The following B3GALT5 variants were observed in gnomAD, a reference collection of about 807,000 sequenced individuals.
B3GALT5 encodes the protein beta-1,3-galactosyltransferase 5, also known as UDP-Gal:betaGlcNAc beta 1,3-galactosyltransferase, polypeptide 5.
For synonymous variants in B3GALT5, 156 were observed against 158.6 expected (o/e 0.98, Z 0.12); for missense variants, 328 against 396.6 (o/e 0.83, Z 1.47).
intron 1 of B3GALT5, among the ~76,000 whole-genome samples, chr21:39,642,124 C>G (rs1222788148): frequency 6.6e-6 from 1 of 152,220 alleles, no homozygotes; most frequent in Non-Finnish European, 1.5e-5. Context: ...AAGCTTCAAG[C>G]TTAAATAATT....
intron 1 of B3GALT5, among the ~76,000 whole-genome samples, chr21:39,626,847 ATGAACT>A (rs1187700503): frequency 6.6e-6 from 1 of 151,982 alleles, no homozygotes; most frequent in Non-Finnish European, 1.5e-5. Flanking sequence ...TCTCACTGTG[ATGAACT>A]TGACTTCTGG....
chr21:39,647,094 C>T (rs966653390), intron 2 of B3GALT5, among the ~76,000 whole-genome samples: 2 of 152,158 alleles, frequency 1.3e-5, no homozygotes, highest in Non-Finnish European at 1.5e-5. Context: ...GAGTGAGACC[C>T]TGTCTCAAAA....
intron 1 of B3GALT5, among the ~76,000 whole-genome samples, chr21:39,613,781 T>G (rs1655992608): frequency 6.6e-6 from 1 of 152,260 alleles, no homozygotes; most frequent in Non-Finnish European, 1.5e-5. Context: ...TTGTTTAGGT[T>G]TCTGACTCTT....
At chr21:39,655,923 TACA>T (rs1602298375) in intron 2 of B3GALT5, among the ~76,000 whole-genome samples, 3 of 152,308 alleles carry the variant, frequency 2.0e-5, no homozygotes, top group African/African-American at 4.8e-5. Flanking sequence ...TTTCAGTCTG[TACA>T]ACGAATCCAC....
Position 39,622,804 on chromosome 21 carries a change from C to T in B3GALT5, c.-392+9737C>T, listed in dbSNP as rs1253683383. 2.6e-5 allele frequency among the ~76,000 whole-genome samples: 4 copies of T among 151,372 alleles called. No homozygotes were observed. In the South Asian group the frequency reaches 6.3e-4, roughly 24 times the overall value. On this transcript the variant is annotated intron_variant, in intron 1 of 3. Transcript: ENST00000684187. ...TTTAGTTCTCTTTTCTTCATTTTTT[C>T]GTCTCCTGTTGGATTGATACAGTTT...
At chr21:39,646,141 G>T (rs551084) in intron 1 of B3GALT5, among the ~76,000 whole-genome samples, 20,667 of 151,996 alleles carry the variant, frequency 0.14, 1,763 homozygotes, top group African/African-American at 0.24. Context: ...GTGGAAAGGT[G>T]GCAGGCTGCC....
chr21:39,656,156 C>T (rs990514805), intron 2 of B3GALT5, among the ~76,000 whole-genome samples: 5 of 152,164 alleles, frequency 3.3e-5, no homozygotes, highest in African/African-American at 4.8e-5. Context: ...ACAAGCCTCC[C>T]GGGTGATTCT....
Position 39,671,525 on chromosome 21 carries a change from T to C in B3GALT5, c.*10033T>C, listed in dbSNP as rs2079628324. 1 of 152,150 alleles carries C rather than the reference T, an allele frequency of 6.6e-6. No individual in the cohort carries two copies. The highest frequency in any genetic ancestry group is 2.4e-5 in the African/African-American group (1 of 41,420). The allele number at this position is 152,150 out of a possible 1,614,324, so 9.4% of individuals were successfully genotyped here. A position where few individuals can be genotyped will look rare whatever the true frequency, so the allele number is the denominator to read the frequency against. On this transcript the variant is annotated 3_prime_UTR_variant, in exon 4 of 4. Coordinates refer to ENST00000684187, the MANE Select transcript of B3GALT5 (RefSeq NM_001356336.2). ...AGGCAACTCCCATCACAAGAAAGAA[T>C]GGTGGCCTGGGAGTGAGCTGTAAGG...
intron 2 of B3GALT5, among the ~76,000 whole-genome samples, chr21:39,656,828 A>G (rs1261559482): frequency 6.6e-6 from 1 of 152,176 alleles, no homozygotes; most frequent in Non-Finnish European, 1.5e-5. Flanking sequence ...GCCTTTCCCT[A>G]TCCTGACGGC....
At position 39,666,755 on chromosome 21, in the gene B3GALT5, A is replaced by T. The variant is rs777157881; in HGVS notation, c.*5263A>T. 7 of 152,280 alleles carry T rather than the reference A, an allele frequency of 4.6e-5. No homozygotes were observed. Among genetic ancestry groups the T allele is most frequent in the Non-Finnish European group, 8.8e-5 (6 of 68,068 alleles). 9.4% of individuals were successfully genotyped at this position (152,280 alleles called of 1,614,324 possible). On this transcript the variant is annotated 3_prime_UTR_variant, in exon 4 of 4. Transcript: ENST00000684187. The stretch of plus-strand genomic sequence containing the variant: ...TCTTCAAACACACCATTGTAACCAC[A>T]TAATACACTGTGTGAAAAGAGAGGA...
intron 1 of B3GALT5, among the ~76,000 whole-genome samples, chr21:39,622,639 A>G (rs1470615600): frequency 6.6e-6 from 1 of 152,106 alleles, no homozygotes; most frequent in East Asian, 1.9e-4. Flanking sequence ...TTGAACTCGC[A>G]TATAGGTAGA....
At chr21:39,652,019 G>A (rs1402485636) in intron 2 of B3GALT5, among the ~76,000 whole-genome samples, 2 of 152,206 alleles carry the variant, frequency 1.3e-5, no homozygotes, top group African/African-American at 2.4e-5. Context: ...GGGGGTGCTT[G>A]TGGCTCCTTA....
At position 39,661,055 on chromosome 21, in the gene B3GALT5, C is replaced by G; in HGVS notation, c.496C>G (p.Leu166Val). The G allele has an allele frequency of 6.2e-7, 1 of 1,614,208 alleles. No individual in the cohort carries two copies. The highest frequency in any genetic ancestry group is 8.5e-7 in the Non-Finnish European group (1 of 1,180,044). The change falls in exon 4 of 4, where the codon CTG (leucine) becomes GTG (valine). Residue 166 changes from leucine to valine, a missense_variant. Coordinates refer to ENST00000684187, the MANE Select transcript of B3GALT5 (RefSeq NM_001356336.2). This position sits in a 1 kb window ranked among gnomAD's most constrained non-coding sequence, Gnocchi z 4.7. ...DSDMFINVDY[L>V]TELLLKKNRT... ...AGACATGTTCATCAATGTTGACTAT[C>G]TGACTGAACTGCTTCTGAAGAAAAA...
intron 1 of B3GALT5, among the ~76,000 whole-genome samples, chr21:39,635,796 T>A (rs1005615207): frequency 6.6e-6 from 1 of 152,132 alleles, no homozygotes; most frequent in African/African-American, 2.4e-5. Context: ...GTGCTGTTAA[T>A]CCTCACATTC....
At position 39,665,613 on chromosome 21, in the gene B3GALT5, C is replaced by T. The variant is rs561469315; in HGVS notation, c.*4121C>T. ...TGCCCTATGTGCCCATCCCCGTCAGCCTTGGCACTGGCTGTCCTCTCTGCT... is the reference window on the plus strand; with the variant it reads ...TGCCCTATGTGCCCATCCCCGTCAGTCTTGGCACTGGCTGTCCTCTCTGCT... On this transcript the variant is annotated 3_prime_UTR_variant, in exon 4 of 4. Transcript: ENST00000684187. The T allele has an allele frequency of 2.5e-3, 384 of 152,462 alleles. No homozygotes were observed. Among genetic ancestry groups the T allele is most frequent in the Middle Eastern group, 6.8e-3 (2 of 294 alleles). The allele number at this position is 152,462 out of a possible 1,614,324, so 9.4% of individuals were successfully genotyped here.
At position 39,672,821 on chromosome 21, in the gene B3GALT5, T is replaced by C. The variant is rs908707535; in HGVS notation, c.*11329T>C. Reference sequence around the variant, plus strand: ...GCTTATTTTTGTAAGAGATGGGTACTTCTTGTTCCCCTTGGATTTCGGAAG... The same window carrying C: ...GCTTATTTTTGTAAGAGATGGGTACCTCTTGTTCCCCTTGGATTTCGGAAG... On this transcript the variant is annotated 3_prime_UTR_variant, in exon 4 of 4. Coordinates refer to ENST00000684187, the MANE Select transcript of B3GALT5 (RefSeq NM_001356336.2). The C allele has an allele frequency of 1.3e-5, 2 of 152,228 alleles. No homozygotes were observed. Among genetic ancestry groups the C allele is most frequent in the African/African-American group, 2.4e-5 (1 of 41,464 alleles). 9.4% of individuals were successfully genotyped at this position (152,228 alleles called of 1,614,324 possible). A position where few individuals can be genotyped will look rare whatever the true frequency, so the allele number is the denominator to read the frequency against.
rs932779285 is a variant in B3GALT5, at chr21:39,667,849, C to T, written c.*6357C>T. On this transcript the variant is annotated 3_prime_UTR_variant, in exon 4 of 4. Coordinates refer to ENST00000684187, the MANE Select transcript of B3GALT5 (RefSeq NM_001356336.2). Reference sequence around the variant, plus strand: ...CCATTTACATCTCCGCTCAAGCCTCCGCCTCCGGGTTCCAGCCCTGGCTCT... The same window carrying T: ...CCATTTACATCTCCGCTCAAGCCTCTGCCTCCGGGTTCCAGCCCTGGCTCT... The T allele has an allele frequency of 3.9e-5, 6 of 152,236 alleles. No homozygotes were observed. The highest frequency in any genetic ancestry group is 3.9e-4 in the East Asian group (2 of 5,176). 9.4% of individuals were successfully genotyped at this position (152,236 alleles called of 1,614,324 possible).
intron 1 of B3GALT5, among the ~76,000 whole-genome samples, chr21:39,624,488 G>A (rs1241617771): frequency 6.6e-6 from 1 of 152,154 alleles, no homozygotes; most frequent in Non-Finnish European, 1.5e-5. Context: ...TCAATGGCTT[G>A]GTTTTGTAGG....
intron 1 of B3GALT5, chr21:39,630,308 G>GAGTGA (rs1288912727): frequency 2.6e-5 from 4 of 152,216 alleles, no homozygotes; most frequent in Non-Finnish European, 5.9e-5. Context: ...GCTAGATTTG[G>GAGTGA]AGTGAAGTGA....
Sources: gnomAD v4.1 joint callset for allele counts (sites outside exome capture counted in the v4.1 genomes callset) on GRCh38, gnomAD v4.1.1 for gene constraint, Gnocchi (gnomAD v3.1) non-coding constraint, MANE v1.5 for transcripts, NCBI Gene and HGNC (gene_info 2026-07-23, HGNC 2026-07-21) for gene names.